Variants in KLHL1 observed in about 807,000 individuals in gnomAD.
KLHL1 encodes kelch-like protein 1.
In KLHL1, 47 loss-of-function variants were observed where a neutral mutation model predicts 77.7. The ratio of observed to expected loss-of-function variants is 0.60; its 90% confidence interval spans 0.48 to 0.77. The LOEUF (loss-of-function observed/expected upper bound fraction) is 0.77. Ranked by LOEUF, KLHL1 falls within the 30% of genes least tolerant of loss-of-function variation. The pLI, the probability that KLHL1 is intolerant of heterozygous loss-of-function variation, is 0.00. For synonymous variants in KLHL1, 360 were observed against 325.2 expected (o/e 1.11, Z -1.15); for missense variants, 925 against 910.8 (o/e 1.02, Z -0.20).
chr13:69,966,738 A>AT (rs1437668937), intron 2 of KLHL1, among the ~76,000 whole-genome samples: 1 of 151,974 alleles, frequency 6.6e-6, no homozygotes, highest in African/African-American at 2.4e-5. Context: ...CCCATTAATC[A>AT]TTTTTTCACC....
intron 5 of KLHL1, among the ~76,000 whole-genome samples, chr13:69,860,592 G>A (rs2138151277): frequency 6.6e-6 from 1 of 151,846 alleles, no homozygotes. Context: ...AAGTTATTCA[G>A]TTTCATTAGT....
intron 5 of KLHL1, among the ~76,000 whole-genome samples, chr13:69,873,388 C>G (rs943946289): frequency 3.9e-5 from 6 of 152,146 alleles, no homozygotes; most frequent in Non-Finnish European, 8.8e-5. Context: ...TATTCTCTCT[C>G]TCTCAAATTA....
At chr13:70,068,086 A>G (rs1356292586) in intron 1 of KLHL1, among the ~76,000 whole-genome samples, 4 of 151,538 alleles carry the variant, frequency 2.6e-5, no homozygotes, top group South Asian at 2.1e-4. Context: ...TCACGCCTGT[A>G]ATCCCAGCAC....
chr13:69,727,222 T>C (rs1873338158), intron 8 of KLHL1, among the ~76,000 whole-genome samples: 1 of 152,198 alleles, frequency 6.6e-6, no homozygotes, highest in African/African-American at 2.4e-5. Flanking sequence ...TATTTTAACA[T>C]TTCTTGACAC....
At chr13:70,004,529 A>G (rs1024116692) in intron 1 of KLHL1, among the ~76,000 whole-genome samples, 5 of 151,642 alleles carry the variant, frequency 3.3e-5, no homozygotes, top group Non-Finnish European at 7.4e-5. Context: ...CCCCCTGACT[A>G]GTCCACGTTT....
chr13:69,835,836 TGAA>T (rs1878964977), intron 6 of KLHL1, among the ~76,000 whole-genome samples: 1 of 151,352 alleles, frequency 6.6e-6, no homozygotes, highest in African/African-American at 2.4e-5. Flanking sequence ...AAAAAATAAG[TGAA>T]GAACATTAAA....
intron 1 of KLHL1, among the ~76,000 whole-genome samples, chr13:70,060,744 G>T (rs983069614): frequency 7.2e-5 from 11 of 152,048 alleles, no homozygotes; most frequent in African/African-American, 2.7e-4. Flanking sequence ...TACTTGGGAG[G>T]CTGAGGCAAG....
chr13:70,038,130 G>C (rs1886283151), intron 1 of KLHL1, among the ~76,000 whole-genome samples: 1 of 152,124 alleles, frequency 6.6e-6, no homozygotes, highest in African/African-American at 2.4e-5. Flanking sequence ...GCCATTTCAA[G>C]AATGCTATGT....
intron 5 of KLHL1, among the ~76,000 whole-genome samples, chr13:69,862,307 A>T (rs913994990): frequency 3.3e-5 from 5 of 152,072 alleles, no homozygotes; most frequent in African/African-American, 4.8e-5. Flanking sequence ...AGAGAGAGAG[A>T]GAGAGAAGCA....
chr13:69,827,510 T>A (rs1384259486), intron 6 of KLHL1, among the ~76,000 whole-genome samples: 3 of 152,026 alleles, frequency 2.0e-5, no homozygotes, highest in Non-Finnish European at 4.4e-5. Flanking sequence ...GGCGGGTGGA[T>A]CATGAGGTCA....
At chr13:69,999,403 C>A (rs1430644858) in intron 1 of KLHL1, among the ~76,000 whole-genome samples, 3 of 152,008 alleles carry the variant, frequency 2.0e-5, no homozygotes, top group African/African-American at 7.2e-5. Flanking sequence ...ATGGGCCTGG[C>A]ATCAGCATTC....
intron 6 of KLHL1, among the ~76,000 whole-genome samples, chr13:69,822,825 T>C (rs1478901411): frequency 2.6e-5 from 4 of 152,292 alleles, no homozygotes; most frequent in Admixed American, 1.3e-4. Context: ...CTGATAAAGA[T>C]TAAATTGATA....
At chr13:69,841,962 G>A (rs1266733304) in intron 5 of KLHL1, among the ~76,000 whole-genome samples, 4 of 151,818 alleles carry the variant, frequency 2.6e-5, no homozygotes, top group East Asian at 3.9e-4. Context: ...TCAATAAATG[G>A]TGCTGGGAAA....
chr13:69,878,709 T>TAGAGAG (rs1384027546), intron 5 of KLHL1, among the ~76,000 whole-genome samples: 5 of 149,668 alleles, frequency 3.3e-5, no homozygotes, highest in African/African-American at 1.2e-4. Context: ...TATATATATA[T>TAGAGAG]ATAGAGAGAG....
chr13:70,003,893 C>T (rs529652955), intron 1 of KLHL1, among the ~76,000 whole-genome samples: 1 of 151,782 alleles, frequency 6.6e-6, no homozygotes, highest in East Asian at 1.9e-4. Context: ...AACTGGATCA[C>T]ATCAAATTTA....
chr13:69,853,326 T>TC (rs1377701460), intron 5 of KLHL1, among the ~76,000 whole-genome samples: 1 of 152,024 alleles, frequency 6.6e-6, no homozygotes, highest in East Asian at 1.9e-4. Context: ...AAGGGGCTTT[T>TC]CCCCCTTTTG....
intron 6 of KLHL1, among the ~76,000 whole-genome samples, chr13:69,835,377 C>G (rs1878945288): frequency 6.6e-6 from 1 of 152,174 alleles, no homozygotes; most frequent in East Asian, 1.9e-4. Context: ...GCTGAAGGAA[C>G]AGTGAGGTGA....
chr13:69,777,699 T>C (rs2137995232), intron 7 of KLHL1, among the ~76,000 whole-genome samples: 1 of 152,294 alleles, frequency 6.6e-6, no homozygotes, highest in Non-Finnish European at 1.5e-5. Flanking sequence ...GCATCACTTC[T>C]TTTTGGAAAT....
At chr13:69,703,256 G>A (rs1437428044) in intron 10 of KLHL1, among the ~76,000 whole-genome samples, 3 of 151,442 alleles carry the variant, frequency 2.0e-5, no homozygotes, top group African/African-American at 4.8e-5. Context: ...AAAGCACAAC[G>A]CATTACTCAA....
Sources: gnomAD v4.1 joint callset for allele counts (sites outside exome capture counted in the v4.1 genomes callset) on GRCh38, gnomAD v4.1.1 for gene constraint, MANE v1.5 for transcripts, NCBI Gene and HGNC (gene_info 2026-07-23, HGNC 2026-07-21) for gene names.